Variants in UNC13C observed in about 807,000 individuals in gnomAD.
The protein encoded by UNC13C is protein unc-13 homolog C.
In UNC13C, 174 loss-of-function variants were observed where a neutral mutation model predicts 245.4. The observed-to-expected ratio is 0.71, with a 90% CI of 0.63 to 0.80. The LOEUF is 0.80. UNC13C is among the 30% of genes least tolerant of loss of function. UNC13C has a pLI of 0.00. For missense variants in UNC13C, 2,829 were observed against 2,602.9 expected (o/e 1.09, Z -1.89); for synonymous variants, 992 against 895.1 (o/e 1.11, Z -1.93).
chr15:54,216,602 G>C (rs1435957347), intron 4 of UNC13C, among the ~76,000 whole-genome samples: 3 of 151,828 alleles, frequency 2.0e-5, no homozygotes, highest in Non-Finnish European at 4.4e-5. Flanking sequence ...TTACTAGAGA[G>C]AAAGCAAGAG....
chr15:54,448,263 G>A (rs1386350579), intron 19 of UNC13C, among the ~76,000 whole-genome samples: 1 of 152,172 alleles, frequency 6.6e-6, no homozygotes, highest in Non-Finnish European at 1.5e-5. Context: ...GATTTGGGGT[G>A]GAGAGTTCTG....
the UNC13C span, among the ~76,000 whole-genome samples, chr15:53,866,847 A>G: frequency 1.3e-5 from 2 of 152,246 alleles, no homozygotes; most frequent in Non-Finnish European, 2.9e-5. Context: ...ACATATGAAC[A>G]CAGAACCAAA....
intron 17 of UNC13C, among the ~76,000 whole-genome samples, chr15:54,376,266 A>G (rs2039604964): frequency 6.6e-6 from 1 of 152,170 alleles, no homozygotes; most frequent in African/African-American, 2.4e-5. Flanking sequence ...TTCCTGGAAC[A>G]TCTAAGAATA....
the UNC13C span, among the ~76,000 whole-genome samples, chr15:53,934,863 C>A: frequency 2.0e-5 from 3 of 152,114 alleles, no homozygotes; most frequent in African/African-American, 7.2e-5. Flanking sequence ...GGTTACTAAT[C>A]CCATTCATGA....
the UNC13C span, among the ~76,000 whole-genome samples, chr15:53,879,242 G>A: frequency 6.6e-6 from 1 of 152,108 alleles, no homozygotes; most frequent in Non-Finnish European, 1.5e-5. Context: ...GCTCATTGCA[G>A]CTTTGACCCC....
chr15:54,014,789 T>A lies in UNC13C; in HGVS notation c.1886T>A (p.Met629Lys), dbSNP rs1258421105. ...AACACAGAAACTGTGGATAGTGGAA[T>A]GAGTAATGGCATGGTGTGTGCATCT... ...TENTETVDSG[M>K]SNGMVCASGD... The change falls in exon 2 of 33, where the codon ATG becomes AAG. Residue 629 changes from methionine to lysine, a missense_variant. Transcript: ENST00000260323. 6.2e-7 allele frequency: 1 copy of A among 1,613,738 alleles called. No homozygotes were observed. The highest frequency in any genetic ancestry group is 8.5e-7 in the Non-Finnish European group (1 of 1,179,838).
intron 18 of UNC13C, among the ~76,000 whole-genome samples, chr15:54,413,255 C>A (rs1001165440): frequency 6.6e-6 from 1 of 151,552 alleles, no homozygotes; most frequent in Admixed American, 6.6e-5. Flanking sequence ...AGTTTTAGTT[C>A]TTTAGTTCTT....
chr15:54,583,974 C>G (rs1898338840), intron 30 of UNC13C, among the ~76,000 whole-genome samples: 1 of 152,170 alleles, frequency 6.6e-6, no homozygotes, highest in African/African-American at 2.4e-5. Context: ...CTCTCTGGCT[C>G]CCCGTGGCCT....
At chr15:54,455,161 A>G (rs1323280543) in intron 19 of UNC13C, among the ~76,000 whole-genome samples, 2 of 57,208 alleles carry the variant, frequency 3.5e-5, no homozygotes, top group African/African-American at 6.9e-5. Flanking sequence ...GCTGAGTCAT[A>G]TTCCTCTCTC....
intron 5 of UNC13C, among the ~76,000 whole-genome samples, chr15:54,236,214 T>G (rs1051678852): frequency 2.6e-5 from 4 of 152,200 alleles, no homozygotes; most frequent in African/African-American, 9.7e-5. Flanking sequence ...AGCCTTCATC[T>G]GAAGGCCACC....
rs747474268 is a variant in UNC13C, at chr15:54,322,033, A to G, written c.4363A>G (p.Thr1455Ala). The change falls in exon 14 of 33, where the codon ACA becomes GCA. Residue 1455 changes from threonine to alanine, a missense_variant. Coordinates refer to ENST00000260323, the MANE Select transcript of UNC13C (RefSeq NM_001080534.3). ...LANINAFYAH[T>A]TVSTNIQVSA... The stretch of plus-strand genomic sequence containing the variant: ...TAATATAAATGCTTTTTATGCTCAC[A>G]CAACAGTTTCAACAAACATACAGGT... The G allele has an allele frequency of 7.5e-6, 12 of 1,591,780 alleles. No individual in the cohort carries two copies. In the Admixed American group the frequency reaches 1.1e-4, roughly 14 times the overall value.
At chr15:54,550,855 C>T (rs570837522) in intron 28 of UNC13C, among the ~76,000 whole-genome samples, 3 of 152,202 alleles carry the variant, frequency 2.0e-5, no homozygotes, top group Non-Finnish European at 4.4e-5. Context: ...TTATACACTG[C>T]GGAAGTTTCT....
At chr15:54,196,261 G>A (rs1232593670) in intron 4 of UNC13C, among the ~76,000 whole-genome samples, 1 of 151,902 alleles carries the variant, frequency 6.6e-6, no homozygotes, top group Non-Finnish European at 1.5e-5. Flanking sequence ...AGAGAGACAA[G>A]CAAACAGCTG....
intron 2 of UNC13C, among the ~76,000 whole-genome samples, chr15:54,118,151 T>C (rs1463597448): frequency 1.3e-5 from 2 of 152,130 alleles, no homozygotes. Context: ...TCTTACGTGG[T>C]TCCATATAAA....
At chr15:54,323,564 A>G (rs1428644727) in intron 14 of UNC13C, among the ~76,000 whole-genome samples, 1 of 152,052 alleles carries the variant, frequency 6.6e-6, no homozygotes, top group African/African-American at 2.4e-5. Context: ...GTGTCAGTGT[A>G]TAAAATATGA....
At chr15:53,935,515 T>C in the UNC13C span, among the ~76,000 whole-genome samples, 1 of 152,114 alleles carries the variant, frequency 6.6e-6, no homozygotes, top group East Asian at 1.9e-4. Flanking sequence ...ATTTAAAAAT[T>C]AGTACATTTT....
In UNC13C at chr15:54,567,810, A is replaced by G. The variant is rs1220834376; in HGVS notation, c.5969A>G (p.His1990Arg). 6.3e-7 allele frequency: 1 copy of G among 1,598,090 alleles called. No individual in the cohort carries two copies. Among genetic ancestry groups the G allele is most frequent in the Non-Finnish European group, 8.5e-7 (1 of 1,171,904 alleles). The change falls in exon 30 of 33, where the codon CAT becomes CGT. Residue 1990 changes from histidine (H) to arginine (R), a missense_variant. Transcript: ENST00000260323. Reference sequence around the variant, plus strand: ...TTTTTTTCTTTGTAGCAATACTTTCATGCAGGAGGAAATGGCCTGAAAAAG... The same window carrying G: ...TTTTTTTCTTTGTAGCAATACTTTCGTGCAGGAGGAAATGGCCTGAAAAAG... ...VVLATIKQYF[H>R]AGGNGLKKNF... is the part of the protein sequence containing the mutation.
At chr15:54,473,968 A>G (rs1447141664) in intron 19 of UNC13C, among the ~76,000 whole-genome samples, 10 of 151,698 alleles carry the variant, frequency 6.6e-5, no homozygotes, top group Admixed American at 6.6e-4. Context: ...AGAACGTGTG[A>G]TATTTGTCTT....
At chr15:53,997,147 G>A (rs1051388933) in intron 1 of UNC13C, among the ~76,000 whole-genome samples, 2 of 151,942 alleles carry the variant, frequency 1.3e-5, no homozygotes, top group African/African-American at 2.4e-5. Flanking sequence ...GTTTTTATTT[G>A]TATTTTCTTT....
Sources: allele counts gnomAD v4.1 joint callset (sites outside exome capture counted in the v4.1 genomes callset), GRCh38; gene constraint gnomAD v4.1.1; transcripts MANE v1.5; gene names NCBI Gene and HGNC (gene_info 2026-07-23, HGNC 2026-07-21).